The following LRPPRC variants were observed in gnomAD, a reference collection of about 807,000 sequenced individuals.
The protein encoded by LRPPRC is leucine-rich PPR motif-containing protein, mitochondrial.
A neutral mutation model predicts 180.3 loss-of-function variants in LRPPRC; 120 were observed. The observed-to-expected ratio is 0.67, with a 90% confidence interval of 0.57 to 0.77. LRPPRC has a LOEUF of 0.77. Ranked by LOEUF, LRPPRC falls within the 30% of genes least tolerant of loss-of-function variation. LRPPRC has a pLI of 0.00. For synonymous variants in LRPPRC, 723 were observed against 600.0 expected (o/e 1.21, Z -3.00); for missense variants, 2,012 against 1,657.2 (o/e 1.21, Z -3.72).
Position 43,990,178 on chromosome 2 carries a change from C to T in LRPPRC, c.149+5621G>A, listed in dbSNP as rs553248802. Among the ~76,000 whole-genome samples, 8 of 152,100 alleles carry T rather than the reference C, an allele frequency of 5.3e-5. No homozygotes were observed. The South Asian group carries it at 1.0e-3, about 20-fold the overall frequency. ...AGGTTGCAGTGAGCCGAGATGGCCC[C>T]GTTACACTCCAGCCTGGGTGGCAGA... On this transcript the variant is annotated intron_variant, in intron 1 of 37. Transcript: ENST00000260665.
intron 22 of LRPPRC, among the ~76,000 whole-genome samples, chr2:43,944,731 AT>A (rs1672614363): frequency 6.6e-6 from 1 of 152,088 alleles, no homozygotes; most frequent in Non-Finnish European, 1.5e-5. Flanking sequence ...AGAAAATAGT[AT>A]GAATGTATTA....
intron 1 of LRPPRC, among the ~76,000 whole-genome samples, chr2:43,984,311 T>C (rs1203387754): frequency 6.6e-6 from 1 of 152,142 alleles, no homozygotes; most frequent in Non-Finnish European, 1.5e-5. Flanking sequence ...TTTTACACAA[T>C]GCAAATCTGA....
chr2:43,941,463 C>T (rs1236554389), intron 23 of LRPPRC, among the ~76,000 whole-genome samples: 7 of 152,110 alleles, frequency 4.6e-5, no homozygotes, highest in Admixed American at 2.0e-4. Context: ...GCTCATTTGC[C>T]AGATGAGCTC....
At chr2:43,964,026 T>C (rs531651694) in intron 11 of LRPPRC, among the ~76,000 whole-genome samples, 1 of 152,328 alleles carries the variant, frequency 6.6e-6, no homozygotes, top group African/African-American at 2.4e-5. Flanking sequence ...AACACTGCTA[T>C]TATAGAGCAA....
At chr2:43,974,411 T>G in intron 8 of LRPPRC, 116 bp from the exon 9 acceptor site, 1 of 861,340 alleles carries the variant, frequency 1.2e-6, no homozygotes, top group Middle Eastern at 2.3e-4. Flanking sequence ...AGCATATAAC[T>G]GCCTAAATAA....
At chr2:43,937,599 G>A (rs1672322176) in intron 23 of LRPPRC, among the ~76,000 whole-genome samples, 1 of 152,176 alleles carries the variant, frequency 6.6e-6, no homozygotes, top group African/African-American at 2.4e-5. Flanking sequence ...CATCCCAACT[G>A]ATAAGAGTAC....
intron 27 of LRPPRC, among the ~76,000 whole-genome samples, chr2:43,919,517 G>A (rs1415777785): frequency 1.3e-5 from 2 of 152,114 alleles, no homozygotes; most frequent in African/African-American, 4.8e-5. Context: ...AACTGATAAT[G>A]TTATCAGACT....
At position 43,934,648 on chromosome 2, in the gene LRPPRC, T is replaced by C. The variant is rs932389200; in HGVS notation, c.2629+106A>G. On this transcript the variant is annotated intron_variant, in intron 24 of 37. Coordinates refer to ENST00000260665, the MANE Select transcript of LRPPRC (RefSeq NM_133259.4). ...AGATTTCACAAGTATAAAGAAAGTTTATCTGAATGTGCTGGCCTTCTGCTG... is the reference window on the plus strand; with the variant it reads ...AGATTTCACAAGTATAAAGAAAGTTCATCTGAATGTGCTGGCCTTCTGCTG... The C allele has an allele frequency of 3.6e-5, 33 of 918,228 alleles. No homozygotes were observed. In the East Asian group the frequency reaches 8.1e-4, roughly 23 times the overall value. The allele number at this position is 918,228 out of a possible 1,614,324, so 56.9% of individuals were successfully genotyped here.
chr2:43,992,515 T>A (rs1674827315), intron 1 of LRPPRC, among the ~76,000 whole-genome samples: 1 of 152,174 alleles, frequency 6.6e-6, no homozygotes, highest in South Asian at 2.1e-4. Flanking sequence ...TGGATCTCCT[T>A]CTGGACCCAA....
rs146479300 is a variant in LRPPRC at position 43,934,837 on chromosome 2, T to A, written c.2546A>T (p.Tyr849Phe). 6.2e-7 allele frequency: 1 copy of A among 1,612,616 alleles called. No individual in the cohort carries two copies. The highest frequency in any genetic ancestry group is 2.2e-5 in the East Asian group (1 of 44,820). The part of the protein sequence containing the change: ...STALEVAIDC[Y>F]EKYKVLPRIH... The stretch of plus-strand genomic sequence containing the variant: ...CCTTGGTAATACTTTATACTTTTCA[T>A]AGCAGTCAATGGCGACCTCAAGAGC... The change falls in exon 24 of 38, where the codon TAT becomes TTT. Residue 849 changes from tyrosine (Y) to phenylalanine (F), a missense_variant. Transcript: ENST00000260665.
intron 11 of LRPPRC, among the ~76,000 whole-genome samples, chr2:43,966,092 T>C (rs1010227334): frequency 3.3e-5 from 5 of 152,174 alleles, no homozygotes; most frequent in Non-Finnish European, 7.3e-5. Flanking sequence ...ATGTGGCATA[T>C]ATACACATAT....
intron 11 of LRPPRC, among the ~76,000 whole-genome samples, chr2:43,964,548 G>C (rs1339756023): frequency 6.6e-6 from 1 of 152,062 alleles, no homozygotes; most frequent in East Asian, 1.9e-4. Context: ...GAGACCTAAA[G>C]ATAAATTACA....
At position 43,950,586 on chromosome 2, in the gene LRPPRC, T is replaced by C. The variant is rs1344276068; in HGVS notation, c.1664A>G (p.Asn555Ser). 6.2e-7 allele frequency: 1 copy of C among 1,613,496 alleles called. No individual in the cohort carries two copies. Among genetic ancestry groups the C allele is most frequent in the Non-Finnish European group, 8.5e-7 (1 of 1,179,622 alleles). The change falls in exon 15 of 38, where the codon AAT (asparagine) becomes AGT (serine). Residue 555 changes from asparagine (N) to serine (S), a missense_variant. Coordinates refer to ENST00000260665, the MANE Select transcript of LRPPRC (RefSeq NM_133259.4). ...AGAGGGACTTACCTCGCTCCAAAGA[T>C]TTATATTCATAGACCTGCAGAGGGC... ...LLGFRRSMNI[N>S]LWSEITELLY...
At chr2:43,894,805 C>G (rs560548084) in intron 35 of LRPPRC, among the ~76,000 whole-genome samples, 176 bp from the exon 36 acceptor site, 4 of 152,186 alleles carry the variant, frequency 2.6e-5, no homozygotes, top group African/African-American at 9.6e-5. Flanking sequence ...CAATAATCTA[C>G]AGCTAAAAGA....
At chr2:43,976,487 C>G (rs1674061518) in intron 5 of LRPPRC, among the ~76,000 whole-genome samples, 1 of 152,018 alleles carries the variant, frequency 6.6e-6, no homozygotes, top group Admixed American at 6.6e-5. Flanking sequence ...ATTTGTCTTA[C>G]ACTACTAATT....
Position 43,905,725 on chromosome 2 carries a change from T to C in LRPPRC, c.3331A>G (p.Ile1111Val), listed in dbSNP as rs781451529. 13 of 1,613,948 alleles carry C rather than the reference T, an allele frequency of 8.1e-6. No homozygotes were observed. The East Asian group carries it at 2.4e-4, about 30-fold the overall frequency. The change falls in exon 31 of 38, where the codon ATC (isoleucine) becomes GTC (valine). Residue 1111 changes from isoleucine (I) to valine (V), a missense_variant. Physicochemically the swap from Ile to Val is conservative, Grantham distance 29. Transcript: ENST00000260665. ...TLNDAANSRL[I>V]ITQVRRDYLK... is the part of the protein sequence containing the mutation. ...TAATCCCGCCTAACTTGCGTTATGA[T>C]GAGGCGGCTGTTGGCAGCATCGTTC...
chr2:43,928,218 G>GA (rs977212520), intron 25 of LRPPRC, among the ~76,000 whole-genome samples: 30 of 151,492 alleles, frequency 2.0e-4, no homozygotes, highest in African/African-American at 7.3e-4. Flanking sequence ...TTGTATAGGG[G>GA]AAAAAAAAGT....
intron 23 of LRPPRC, among the ~76,000 whole-genome samples, chr2:43,938,222 AAT>A (rs1372645509): frequency 6.6e-6 from 1 of 152,070 alleles, no homozygotes; most frequent in Admixed American, 6.5e-5. Flanking sequence ...TCAAAATTTC[AAT>A]AGACTACATA....
intron 25 of LRPPRC, among the ~76,000 whole-genome samples, chr2:43,929,425 A>G (rs983238137): frequency 6.6e-6 from 1 of 152,190 alleles, no homozygotes; most frequent in Non-Finnish European, 1.5e-5. Context: ...ATAAATGTTA[A>G]CTTTTAATAA....
Sources: allele counts gnomAD v4.1 joint callset (sites outside exome capture counted in the v4.1 genomes callset), GRCh38; gene constraint gnomAD v4.1.1; transcripts MANE v1.5; gene names NCBI Gene and HGNC (gene_info 2026-07-23, HGNC 2026-07-21).